The following ACAD9 variants were observed in gnomAD, a reference collection of about 807,000 sequenced individuals.
ACAD9 encodes the protein acyl-CoA dehydrogenase family member 9.
ACAD9 carries 53 observed loss-of-function variants against 70.2 expected under a neutral mutation model. The ratio of observed to expected loss-of-function variants is 0.75; its 90% CI spans 0.61 to 0.95. The LOEUF is 0.95. Ranked by LOEUF, ACAD9 falls within the 40% of genes least tolerant of loss-of-function variation. The pLI is 0.00. For synonymous variants in ACAD9, 313 were observed against 312.1 expected (o/e 1.00, Z -0.03); for missense variants, 777 against 802.8 (o/e 0.97, Z 0.39).
Position 128,895,318 on chromosome 3 carries a change from G to A in ACAD9, c.355G>A (p.Gly119Ser). 1 of 1,611,720 alleles carries A rather than the reference G, an allele frequency of 6.2e-7. No homozygotes were observed. The highest frequency in any genetic ancestry group is 1.3e-5 in the African/African-American group (1 of 74,878). The change falls in exon 4 of 18, where the codon GGC (glycine) becomes AGC (serine). Residue 119 changes from glycine to serine, a missense_variant. By Grantham distance (56) the Gly-to-Ser change is moderately conservative. Coordinates refer to ENST00000308982, the MANE Select transcript of ACAD9 (RefSeq NM_014049.5). ...TGGTCCATCTCTCCTAGGTGGCCTG[G>A]GCTTCTCCAACACCATGTACTCAAG... The part of the protein sequence containing the change: ...LQVPEEYGGL[G>S]FSNTMYSRLG...
Position 128,893,647 on chromosome 3 carries a change from G to A in ACAD9, c.337G>A (p.Glu113Lys), listed in dbSNP as rs1169355207. The change falls in exon 3 of 18, where the codon GAA becomes AAA. Residue 113 changes from glutamate (E) to lysine (K), a missense_variant. Transcript: ENST00000308982. ...SLGLFGLQVP[E>K]EYGGLGFSNT... ...AGGGCTTTTTGGGCTGCAAGTCCCA[G>A]AAGAATATGGTAAGTCAAGCAAACA... is the stretch of plus-strand genomic sequence containing the variant. 2.5e-6 allele frequency: 4 copies of A among 1,613,736 alleles called. No individual in the cohort carries two copies. The African/African-American group carries it at 5.3e-5, about 22-fold the overall frequency.
intron 2 of ACAD9, among the ~76,000 whole-genome samples, chr3:128,887,665 A>G (rs186505460): frequency 6.4e-4 from 90 of 141,050 alleles, no homozygotes; most frequent in African/African-American, 2.2e-3. Context: ...ATATATATAT[A>G]TATGCAAGAA....
chr3:128,901,609 C>T (rs968499137), intron 8 of ACAD9, among the ~76,000 whole-genome samples: 2 of 152,238 alleles, frequency 1.3e-5, no homozygotes, highest in Non-Finnish European at 2.9e-5. Flanking sequence ...TTCCCTTCTG[C>T]AGTGGGTATG....
chr3:128,896,663 A>T, intron 5 of ACAD9, 127 bp downstream of exon 5: 2 of 881,320 alleles, frequency 2.3e-6, no homozygotes, highest in South Asian at 2.9e-5. Flanking sequence ...GCAAAGAATC[A>T]ACTCAGCAAC....
chr3:128,890,200 T>C (rs1397592466), intron 2 of ACAD9, among the ~76,000 whole-genome samples: 1 of 151,982 alleles, frequency 6.6e-6, no homozygotes, highest in Non-Finnish European at 1.5e-5. Flanking sequence ...CGATTCTGCC[T>C]CAGCCTCCCG....
At chr3:128,903,769 G>C (rs1262862356) in intron 9 of ACAD9, among the ~76,000 whole-genome samples, 1 of 152,210 alleles carries the variant, frequency 6.6e-6, no homozygotes, top group Non-Finnish European at 1.5e-5. Context: ...GGTGGGGGTG[G>C]TGTTCAGGGA....
In ACAD9 at chr3:128,897,658, G is replaced by T; in HGVS notation, c.581G>T (p.Ser194Ile). Residue 194 changes from serine (S) to isoleucine (I), a missense_variant, in exon 6 of 18, where the codon AGC (serine) becomes ATC (isoleucine). Ser to Ile is a moderately radical substitution (Grantham distance 142). Transcript: ENST00000308982. Reference sequence around the variant, plus strand: ...GGGAGCGATGCAGCCTCAATCCGGAGCAGAGCCACACTAAGTGAAGACAAG... The same window carrying T: ...GGGAGCGATGCAGCCTCAATCCGGATCAGAGCCACACTAAGTGAAGACAAG... ...ASGSDAASIR[S>I]RATLSEDKKH... The T allele has an allele frequency of 6.2e-7, 1 of 1,613,836 alleles. No homozygotes were observed.
chr3:128,912,248 G>T (rs966485660), intron 17 of ACAD9, among the ~76,000 whole-genome samples: 1 of 152,194 alleles, frequency 6.6e-6, no homozygotes, highest in Non-Finnish European at 1.5e-5. Context: ...GCTGTTTACG[G>T]AGCAAGTGCC....
At chr3:128,909,773 C>T in intron 15 of ACAD9, 5 of 619,646 alleles carry the variant, frequency 8.1e-6, no homozygotes, top group Non-Finnish European at 1.4e-5. Flanking sequence ...GCACTGGCTT[C>T]TGGTCTCAGC....
chr3:128,905,334 T>G (rs1017136888), intron 11 of ACAD9, among the ~76,000 whole-genome samples: 9 of 152,276 alleles, frequency 5.9e-5, no homozygotes, highest in African/African-American at 2.2e-4. Context: ...TTTTGTTTTG[T>G]TGAGGGTGGA....
At chr3:128,906,354 T>C in intron 12 of ACAD9, 105 bp downstream of exon 12, 3 of 1,547,046 alleles carry the variant, frequency 1.9e-6, no homozygotes, top group Non-Finnish European at 2.6e-6. Context: ...CAGGGCTGGG[T>C]CGCATGCTCT....
intron 2 of ACAD9, among the ~76,000 whole-genome samples, chr3:128,888,584 A>G (rs9871854): frequency 1.3e-5 from 2 of 152,148 alleles, no homozygotes; most frequent in African/African-American, 2.4e-5. Flanking sequence ...ATCTCAAAAA[A>G]AAATAAAAAC....
intron 6 of ACAD9, chr3:128,898,543 G>A: frequency 2.7e-6 from 1 of 376,224 alleles, no homozygotes; most frequent in Non-Finnish European, 5.1e-6. Flanking sequence ...GCAGCTGGGA[G>A]TACAGGCACA....
intron 8 of ACAD9, 34 bp downstream of exon 8, chr3:128,901,383 A>T (rs1376697974): frequency 1.2e-6 from 2 of 1,609,796 alleles, no homozygotes; most frequent in Non-Finnish European, 1.7e-6. Context: ...TGTACCAGGT[A>T]GTGTCATGAG....
chr3:128,911,768 G>T (rs1448367635), intron 17 of ACAD9, among the ~76,000 whole-genome samples: 3 of 152,216 alleles, frequency 2.0e-5, no homozygotes, highest in Non-Finnish European at 4.4e-5. Context: ...AGCTGCCCGG[G>T]GAAGGCTCAC....
At chr3:128,908,763 C>G in intron 13 of ACAD9, 4 of 698,462 alleles carry the variant, frequency 5.7e-6, no homozygotes, top group Non-Finnish European at 9.7e-6. Flanking sequence ...GACTCCACCC[C>G]TCATGGGGGA....
chr3:128,882,850 T>C (rs1935131940), intron 1 of ACAD9, among the ~76,000 whole-genome samples: 1 of 152,244 alleles, frequency 6.6e-6, no homozygotes, highest in Non-Finnish European at 1.5e-5. Context: ...CATCAGGATC[T>C]TTCTCCCACG....
intron 16 of ACAD9, 144 bp from the exon 17 acceptor site, chr3:128,910,597 T>C: frequency 1.1e-6 from 1 of 920,986 alleles, no homozygotes; most frequent in Non-Finnish European, 1.8e-6. Flanking sequence ...GGGCTGGAAT[T>C]AGAACCCAAG....
intron 2 of ACAD9, 135 bp downstream of exon 2, chr3:128,884,881 G>T: frequency 2.6e-6 from 2 of 756,834 alleles, no homozygotes; most frequent in Non-Finnish European, 4.6e-6. Flanking sequence ...TTTTGCTTTA[G>T]GTTTCATCCC....
Sources: gnomAD v4.1 joint callset for allele counts (sites outside exome capture counted in the v4.1 genomes callset) on GRCh38, gnomAD v4.1.1 for gene constraint, MANE v1.5 for transcripts, NCBI Gene and HGNC (gene_info 2026-07-23, HGNC 2026-07-21) for gene names.